The following USP32 variants were observed in gnomAD, a reference collection of about 807,000 sequenced individuals.
USP32 encodes the protein ubiquitin specific peptidase 32, also known as ubiquitin carboxyl-terminal hydrolase 32.
Under a neutral mutation model 204.8 loss-of-function variants are expected in USP32, and 59 were observed. The ratio of observed to expected loss-of-function variants is 0.29; its 90% confidence interval spans 0.23 to 0.36. USP32 has a LOEUF of 0.36. Ranked by LOEUF, USP32 falls within the 10% of genes least tolerant of loss-of-function variation. The pLI is 1.00. For synonymous variants in USP32, 517 were observed against 678.4 expected, an observed-to-expected ratio of 0.76 and a Z score of 3.70; for missense variants, 1,160 against 1,946.4, an observed-to-expected ratio of 0.60 and a Z score of 7.60.
At chr17:60,384,337 CT>C (rs1287408061) in intron 1 of USP32, among the ~76,000 whole-genome samples, 1 of 152,194 alleles carries the variant, frequency 6.6e-6, no homozygotes, top group Non-Finnish European at 1.5e-5. Flanking sequence ...AACCAAGCTT[CT>C]TTACAGAAAT....
In USP32 at chr17:60,181,464, T is replaced by C; in HGVS notation, c.4408A>G (p.Asn1470Asp). ...TPQDHEVALA[N>D]GFLYEHEACG... ...GCTTCATGCTCATAAAGGAATCCATTGGCCAAAGCTACCTCATGGTCCTGA... is the reference window on the plus strand; with the variant it reads ...GCTTCATGCTCATAAAGGAATCCATCGGCCAAAGCTACCTCATGGTCCTGA... The change falls in exon 32 of 34, where the codon AAT becomes GAT. Residue 1470 changes from asparagine (N) to aspartate (D), a missense_variant. By Grantham distance (23) the Asn-to-Asp change is conservative (BLOSUM62 1). This residue lies in a region of USP32 where 244 missense variants were observed against 342.3 expected (regional missense o/e 0.71). Coordinates refer to ENST00000300896, the MANE Select transcript of USP32 (RefSeq NM_032582.4). 2 of 1,613,994 alleles carry C rather than the reference T, an allele frequency of 1.2e-6. No homozygotes were observed. The highest frequency in any genetic ancestry group is 1.7e-6 in the Non-Finnish European group (2 of 1,179,882).
intron 1 of USP32, among the ~76,000 whole-genome samples, chr17:60,365,718 T>G (rs576924398): frequency 2.0e-5 from 3 of 152,116 alleles, no homozygotes; most frequent in Non-Finnish European, 4.4e-5. Flanking sequence ...AAAGTAATTA[T>G]TAAAAGAATG....
intron 5 of USP32, among the ~76,000 whole-genome samples, chr17:60,285,019 C>A (rs958663991): frequency 6.6e-6 from 1 of 152,172 alleles, no homozygotes; most frequent in Non-Finnish European, 1.5e-5. Context: ...TACTGCAATA[C>A]CCTTAATTGC....
intron 4 of USP32, among the ~76,000 whole-genome samples, chr17:60,293,777 A>G (rs896827872): frequency 7.2e-5 from 11 of 152,170 alleles, no homozygotes; most frequent in African/African-American, 1.9e-4. Flanking sequence ...TAACTCCCCA[A>G]ATAAAACAAA....
chr17:60,292,679 C>T (rs1598205731), intron 4 of USP32, among the ~76,000 whole-genome samples: 1 of 152,092 alleles, frequency 6.6e-6, no homozygotes, highest in South Asian at 2.1e-4. Flanking sequence ...AAATCACTGA[C>T]CATTGGTAAT....
At chr17:60,246,314 A>G (rs2086023118) in intron 11 of USP32, among the ~76,000 whole-genome samples, 1 of 151,546 alleles carries the variant, frequency 6.6e-6, no homozygotes. Context: ...TAACGTAATG[A>G]CCTCCGGTTT....
chr17:60,183,114 T>G (rs1467049508), intron 31 of USP32, 51 bp downstream of exon 31: 2 of 1,527,636 alleles, frequency 1.3e-6, no homozygotes, highest in Non-Finnish European at 1.8e-6. Context: ...GAAACATATG[T>G]AGCCTACAGG....
chr17:60,212,215 AT>A, intron 18 of USP32, 117 bp from the exon 19 acceptor site: 2 of 824,706 alleles, frequency 2.4e-6, no homozygotes, highest in Non-Finnish European at 3.9e-6. Context: ...AATCTAGTTA[AT>A]TTTAGTACAT....
At chr17:60,373,749 C>T (rs1209374129) in intron 1 of USP32, among the ~76,000 whole-genome samples, 2 of 152,150 alleles carry the variant, frequency 1.3e-5, no homozygotes, top group African/African-American at 4.8e-5. Context: ...CATGCCCAGC[C>T]AGCTTACTGT....
chr17:60,380,605 T>C (rs1362440496), intron 1 of USP32, among the ~76,000 whole-genome samples: 1 of 152,156 alleles, frequency 6.6e-6, no homozygotes, highest in Non-Finnish European at 1.5e-5. Context: ...AAGAAGAGCA[T>C]AATAATTAGC....
rs528629237 is a variant in USP32 at position 60,360,585 on chromosome 17, G to A, written c.59-14977C>T. ...GAGGCAGGAGAATTGCTTGAGCCTGGAGGTGGAGGTTGCAGGGAGGCAGAG... is the reference window on the plus strand; with the variant it reads ...GAGGCAGGAGAATTGCTTGAGCCTGAAGGTGGAGGTTGCAGGGAGGCAGAG... On this transcript the variant is annotated intron_variant, in intron 1 of 33. Coordinates refer to ENST00000300896, the MANE Select transcript of USP32 (RefSeq NM_032582.4). Among the ~76,000 whole-genome samples the A allele has an allele frequency of 8.6e-5, 13 of 151,564 alleles. No homozygotes were observed. The South Asian group carries it at 2.7e-3, about 32-fold the overall frequency.
chr17:60,201,686 T>C (rs1598054497), intron 26 of USP32, among the ~76,000 whole-genome samples: 1 of 149,868 alleles, frequency 6.7e-6, no homozygotes. Context: ...TGAGACGGAG[T>C]CTCGCTCTGT....
chr17:60,391,502 A>C (rs1356542961), intron 1 of USP32, among the ~76,000 whole-genome samples: 1 of 152,018 alleles, frequency 6.6e-6, no homozygotes, highest in African/African-American at 2.4e-5. Flanking sequence ...ATGTTATTTG[A>C]GGTTTTTATG....
intron 9 of USP32, among the ~76,000 whole-genome samples, chr17:60,256,086 C>T (rs1413878139): frequency 6.6e-6 from 1 of 151,946 alleles, no homozygotes; most frequent in East Asian, 1.9e-4. Flanking sequence ...TGCCTGTAGT[C>T]CCAGCTACTC....
chr17:60,418,943 G>T (rs1404927811), intron 1 of USP32, among the ~76,000 whole-genome samples: 1 of 152,172 alleles, frequency 6.6e-6, no homozygotes, highest in Non-Finnish European at 1.5e-5. Context: ...AACCATAGCG[G>T]AAAGTAGTGT....
Position 60,301,606 on chromosome 17 carries a change from T to C in USP32, c.285A>G (p.Lys95=), listed in dbSNP as rs1402226441. 6.3e-7 allele frequency: 1 copy of C among 1,576,328 alleles called. No homozygotes were observed. Among genetic ancestry groups the C allele is most frequent in the Non-Finnish European group, 8.6e-7 (1 of 1,167,382 alleles). ...VLLTRGKDEE[K]AKYIFSLFSS... is the part of the protein sequence containing the mutation. Reference sequence around the variant, plus strand: ...GATAATAAAAGTACTTACATTTTGCTTTCTCTTCATCTTTGCCTCTTGTAA... The same window carrying C: ...GATAATAAAAGTACTTACATTTTGCCTTCTCTTCATCTTTGCCTCTTGTAA... Residue 95 remains lysine (K), a synonymous_variant, in exon 3 of 34, where the codon AAA becomes AAG. Transcript: ENST00000300896.
At chr17:60,343,901 G>A (rs1486824128) in intron 2 of USP32, among the ~76,000 whole-genome samples, 1 of 152,006 alleles carries the variant, frequency 6.6e-6, no homozygotes, top group Non-Finnish European at 1.5e-5. Flanking sequence ...GGGCATGGTG[G>A]TGGGAGCCTG....
Position 60,190,553 on chromosome 17 carries a change from A to G in USP32, c.3642+10T>C. ...AAAACCACCATTTTATGGTGGCCCT[A>G]AATACTTACCCTTTCCTGGGATGTT... On this transcript the variant is annotated intron_variant, in intron 29 of 33. Transcript: ENST00000300896. 1.9e-6 allele frequency: 3 copies of G among 1,561,248 alleles called. No individual in the cohort carries two copies. Among genetic ancestry groups the G allele is most frequent in the Non-Finnish European group, 2.6e-6 (3 of 1,160,894 alleles).
chr17:60,414,432 ATTTG>A (rs1172511271), intron 1 of USP32, among the ~76,000 whole-genome samples: 1 of 151,284 alleles, frequency 6.6e-6, no homozygotes, highest in Non-Finnish European at 1.5e-5. Context: ...TTATTGATTT[ATTTG>A]TTTATTTTTT....
Sources: gnomAD v4.1 joint callset for allele counts (sites outside exome capture counted in the v4.1 genomes callset) on GRCh38, gnomAD v4.1.1 for gene constraint, gnomAD v4.1.1 regional missense constraint, MANE v1.5 for transcripts, NCBI Gene and HGNC (gene_info 2026-07-23, HGNC 2026-07-21) for gene names.